The following OVCH2 variants were observed in gnomAD, a reference collection of about 807,000 sequenced individuals.
OVCH2 encodes ovochymase 2.
A neutral mutation model predicts 73.7 loss-of-function variants in OVCH2; 88 were observed. The observed-to-expected ratio is 1.19, with a 90% CI of 1.01 to 1.43. OVCH2 has a LOEUF of 1.43. Among genes scored for constraint, OVCH2 ranks in the 40% most tolerant of loss-of-function variants. The pLI, the probability that OVCH2 is intolerant of heterozygous loss-of-function variation, is 0.00. For synonymous variants in OVCH2, 265 were observed against 234.5 expected (o/e 1.13, Z -1.19); for missense variants, 706 against 674.5 (o/e 1.05, Z -0.52).
At position 7,701,383 on chromosome 11, in the gene OVCH2, TG is replaced by T; in HGVS notation, c.651del (p.Ile218SerfsTer41). 6.2e-7 allele frequency: 1 copy of T among 1,613,278 alleles called. No individual in the cohort carries two copies. The highest frequency in any genetic ancestry group is 8.5e-7 in the Non-Finnish European group (1 of 1,179,670). ...CVAALLTLKR[P>X]ISGKTFLCTG... ...GTGCAAAGAAAGGTCTTCCCACTGA[TG>T]GGCCTCTTTAGTGTTAACAGAGCTG... On this transcript the variant is annotated frameshift_variant, in exon 6 of 16. Coordinates refer to ENST00000533663, the MANE Select transcript of OVCH2 (RefSeq NM_198185.7). LOFTEE classifies it high-confidence loss of function.
chr11:7,684,504 ATATGTG>A (rs1856121229), downstream of OVCH2, among the ~76,000 whole-genome samples: 1 of 91,474 alleles, frequency 1.1e-5, no homozygotes, highest in Non-Finnish European at 2.1e-5. Flanking sequence ...ACATACATAC[ATATGTG>A]TGTGTGTGTG....
At chr11:7,695,785 G>C in intron 10 of OVCH2, 75 bp from the exon 11 acceptor site, 3 of 1,530,328 alleles carry the variant, frequency 2.0e-6, no homozygotes, top group Non-Finnish European at 2.7e-6. Flanking sequence ...AAGAAGAACT[G>C]AATTTGCCAT....
At chr11:7,702,106 G>A (rs934794961) in intron 4 of OVCH2, 51 bp downstream of exon 4, 13 of 1,471,170 alleles carry the variant, frequency 8.8e-6, no homozygotes, top group Non-Finnish European at 1.2e-5. Flanking sequence ...ATGGCACAGA[G>A]GTTATAGAGA....
At chr11:7,681,336 A>G in the OVCH2 span, among the ~76,000 whole-genome samples, 2 of 152,184 alleles carry the variant, frequency 1.3e-5, no homozygotes, top group Non-Finnish European at 2.9e-5. Flanking sequence ...AGCAATGGCA[A>G]TATTTTGCTT....
At chr11:7,681,853 CAAAAAA>C in the OVCH2 span, among the ~76,000 whole-genome samples, 15 of 92,992 alleles carry the variant, frequency 1.6e-4, no homozygotes, top group South Asian at 4.2e-4. Flanking sequence ...GGGAAATGTC[CAAAAAA>C]AAAAAAAAAA....
rs749582528 is a variant in OVCH2 at position 7,704,571 on chromosome 11, G to C, written c.192C>G (p.Pro64=). The C allele has an allele frequency of 3.1e-6, 5 of 1,603,484 alleles. No homozygotes were observed. Among genetic ancestry groups the C allele is most frequent in the Middle Eastern group, 1.7e-4 (1 of 6,058 alleles). Residue 64 remains proline, a synonymous_variant, in exon 2 of 16, where the codon CCC becomes CCG. Coordinates refer to ENST00000533663, the MANE Select transcript of OVCH2 (RefSeq NM_198185.7). Reference sequence around the variant, plus strand: ...AGAAGTCCTTGAGACTCACCTGCCAGGGATAGGAACCCTTCTCCACTTGGC... The same window carrying C: ...AGAAGTCCTTGAGACTCACCTGCCACGGATAGGAACCCTTCTCCACTTGGC... ...GGSQVEKGSY[P]WQVSLKQRQK...
At chr11:7,691,094 T>G in intron 14 of OVCH2, 175 bp downstream of exon 14, 1 of 767,404 alleles carries the variant, frequency 1.3e-6, no homozygotes, top group Non-Finnish European at 2.0e-6. Context: ...CCTTGTACAT[T>G]TCCTAGGAGG....
Position 7,701,667 on chromosome 11 carries a change from C to A in OVCH2, c.559+49G>T, listed in dbSNP as rs778805695. 14 of 1,550,544 alleles carry A rather than the reference C, an allele frequency of 9.0e-6. No homozygotes were observed. The Admixed American group carries it at 2.5e-4, about 28-fold the overall frequency. On this transcript the variant is annotated intron_variant, in intron 5 of 15. Transcript: ENST00000533663. ...AAAAATTCCATTTTCTGATTGCCCA[C>A]CAGAAAGTTCTGACCTCTGCTTAAG...
intron 8 of OVCH2, among the ~76,000 whole-genome samples, chr11:7,697,353 T>G (rs1034008231): frequency 1.3e-5 from 2 of 152,222 alleles, no homozygotes; most frequent in African/African-American, 4.8e-5. Flanking sequence ...ACTCTTCTTT[T>G]GCTGACCTCA....
intron 3 of OVCH2, 116 bp downstream of exon 3, chr11:7,703,582 G>C (rs1856481816): frequency 1.2e-6 from 1 of 805,976 alleles, no homozygotes. Flanking sequence ...ATATTCATCT[G>C]TTAAACCAAT....
rs753238888 is a variant in OVCH2 at position 7,691,324 on chromosome 11, A to T, written c.1584T>A (p.Asp528Glu). ...SSIMLISFQS[D>E]ENGTCRGFQA... ...GAAAGCCCCTGCAGGTCCCGTTTTCATCTGATTGGAAGCTGATGAGCATGA... is the reference window on the plus strand; with the variant it reads ...GAAAGCCCCTGCAGGTCCCGTTTTCTTCTGATTGGAAGCTGATGAGCATGA... The change falls in exon 14 of 16, where the codon GAT (aspartate) becomes GAA (glutamate). Residue 528 changes from aspartate to glutamate, a missense_variant. Coordinates refer to ENST00000533663, the MANE Select transcript of OVCH2 (RefSeq NM_198185.7). 6.2e-7 allele frequency: 1 copy of T among 1,613,878 alleles called. No individual in the cohort carries two copies. Among genetic ancestry groups the T allele is most frequent in the Non-Finnish European group, 8.5e-7 (1 of 1,179,862 alleles).
In OVCH2 at chr11:7,695,671, A is replaced by G. The variant is rs747735861; in HGVS notation, c.1181T>C (p.Ile394Thr). The change falls in exon 11 of 16, where the codon ATT becomes ACT. Residue 394 changes from isoleucine (I) to threonine (T), a missense_variant. Transcript: ENST00000533663. ...TTTCAGCCTTAGAGAATTAGAGCCA[A>G]TAAGAATGGATGAAGGGAGGCTTTC... Reference protein sequence around the residue: ...CGESLPSSILIGSNSLRLKFV... With the variant: ...CGESLPSSILTGSNSLRLKFV... 15 of 1,613,316 alleles carry G rather than the reference A, an allele frequency of 9.3e-6. No individual in the cohort carries two copies. Among genetic ancestry groups the G allele is most frequent in the Non-Finnish European group, 1.2e-5 (14 of 1,179,760 alleles).
chr11:7,694,827 A>T (rs1221765219), intron 12 of OVCH2, among the ~76,000 whole-genome samples: 12 of 48,328 alleles, frequency 2.5e-4, no homozygotes, highest in Non-Finnish European at 3.4e-4. Context: ...TTTTTTTTTT[A>T]AAGTAAGGAG....
intron 7 of OVCH2, 175 bp from the exon 8 acceptor site, chr11:7,698,948 G>C: frequency 1.7e-6 from 1 of 603,902 alleles, no homozygotes. Flanking sequence ...AGGGCCTCTG[G>C]TGTTTTAAAA....
intron 8 of OVCH2, 93 bp downstream of exon 8, chr11:7,698,657 C>T (rs1423658163): frequency 6.6e-6 from 9 of 1,357,648 alleles, no homozygotes; most frequent in African/African-American, 1.5e-5. Context: ...GAGCAGGGAG[C>T]GCTCTTGGAG....
At chr11:7,683,489 A>G in the OVCH2 span, among the ~76,000 whole-genome samples, 1 of 152,152 alleles carries the variant, frequency 6.6e-6, no homozygotes, top group Non-Finnish European at 1.5e-5. Flanking sequence ...GATTATTGCA[A>G]TAGTCTCCTA....
In OVCH2 at chr11:7,695,614, C is replaced by A; in HGVS notation, c.1238G>T (p.Gly413Val). 6.2e-7 allele frequency: 1 copy of A among 1,613,618 alleles called. No individual in the cohort carries two copies. The highest frequency in any genetic ancestry group is 1.1e-5 in the South Asian group (1 of 91,058). Residue 413 changes from glycine to valine, a missense_variant, in exon 11 of 16, where the codon GGG becomes GTG. Gly to Val is a moderately radical substitution (Grantham distance 109). Coordinates refer to ENST00000533663, the MANE Select transcript of OVCH2 (RefSeq NM_198185.7). ...AAGAGCTTTATAGGTAAGATTAAAC[C>A]CAGCTGCATTATCTGTGGCATCAGA... Reference protein sequence around the residue: ...FVSDATDNAAGFNLTYKALKP... With the variant: ...FVSDATDNAAVFNLTYKALKP...
chr11:7,698,262 G>C (rs566950999), intron 8 of OVCH2, among the ~76,000 whole-genome samples: 1 of 151,840 alleles, frequency 6.6e-6, no homozygotes, highest in South Asian at 2.1e-4. Flanking sequence ...ATCTTTCCAC[G>C]GGTTCAAAGA....
downstream of OVCH2, among the ~76,000 whole-genome samples, chr11:7,688,637 A>G (rs915430667): frequency 3.3e-5 from 5 of 151,458 alleles, no homozygotes; most frequent in African/African-American, 1.2e-4. Flanking sequence ...TTATAAAAAT[A>G]AAAATAAAAA....
Sources: gnomAD v4.1 joint callset for allele counts (sites outside exome capture counted in the v4.1 genomes callset) on GRCh38, gnomAD v4.1.1 for gene constraint, MANE v1.5 for transcripts, NCBI Gene and HGNC (gene_info 2026-07-23, HGNC 2026-07-21) for gene names.